The following VEPH1 variants were observed in gnomAD, a reference collection of about 807,000 sequenced individuals.
The protein encoded by VEPH1 is ventricular zone expressed PH domain containing 1.
Under a neutral mutation model 85.2 loss-of-function variants are expected in VEPH1, and 80 were observed. The ratio of observed to expected loss-of-function variants is 0.94; its 90% CI spans 0.78 to 1.13. The LOEUF (loss-of-function observed/expected upper bound fraction) is 1.13, where lower values mean the gene tolerates loss of function less well. Among genes scored for constraint, VEPH1 ranks in the 50% most tolerant of loss-of-function variants. VEPH1 has a pLI of 0.00. For missense variants in VEPH1, 955 were observed against 980.5 expected (o/e 0.97, Z 0.35); for synonymous variants, 297 against 348.0 (o/e 0.85, Z 1.63).
At chr3:157,476,431 C>T (rs1737479305) in intron 2 of VEPH1, among the ~76,000 whole-genome samples, 2 of 152,200 alleles carry the variant, frequency 1.3e-5, no homozygotes, top group Admixed American at 1.3e-4. Context: ...CATAACACTG[C>T]ATCAAACCAA....
In VEPH1 at chr3:157,378,357, T is replaced by G. The variant is rs546767377; in HGVS notation, c.1127+2799A>C. On this transcript the variant is annotated intron_variant, in intron 7 of 13. Transcript: ENST00000362010. ...ATATATATATATATATATATATATA[T>G]AGTAGTGATTCTCAAGTGGGGGAGG... Among the ~76,000 whole-genome samples the G allele has an allele frequency of 4.9e-3, 514 of 104,268 alleles. 7 individuals are homozygous for G. Among genetic ancestry groups the G allele is most frequent in the African/African-American group, 0.018 (482 of 27,192 alleles). The allele number at this position is 104,268 out of a possible 152,430, so 68.4% of individuals were successfully genotyped here.
At chr3:157,493,265 T>G in intron 2 of VEPH1, 2 of 456,356 alleles carry the variant, frequency 4.4e-6, no homozygotes, top group Non-Finnish European at 8.8e-6. Flanking sequence ...GAAGGGGCAA[T>G]TTAGACGATC....
chr3:157,478,931 T>C (rs1484807922), intron 2 of VEPH1, among the ~76,000 whole-genome samples: 2 of 152,072 alleles, frequency 1.3e-5, no homozygotes, highest in Non-Finnish European at 2.9e-5. Flanking sequence ...ATTCTGTACA[T>C]GGCATGAAGA....
chr3:157,383,776 A>G (rs1396435956), intron 6 of VEPH1, among the ~76,000 whole-genome samples: 3 of 152,348 alleles, frequency 2.0e-5, no homozygotes, highest in African/African-American at 7.2e-5. Context: ...TGTTAGATGA[A>G]TGAAAATAAA....
At chr3:157,411,962 G>A (rs2109025475) in intron 6 of VEPH1, among the ~76,000 whole-genome samples, 1 of 152,274 alleles carries the variant, frequency 6.6e-6, no homozygotes, top group African/African-American at 2.4e-5. Flanking sequence ...CTGGTGGGAG[G>A]TGACTCGATC....
chr3:157,304,223 T>C (rs771057291), intron 11 of VEPH1, among the ~76,000 whole-genome samples: 15 of 151,992 alleles, frequency 9.9e-5, no homozygotes, highest in African/African-American at 2.9e-4. Flanking sequence ...GCCTTGACAC[T>C]CCTGTCAGTT....
At chr3:157,273,644 G>T (rs975926794) in intron 12 of VEPH1, among the ~76,000 whole-genome samples, 1 of 152,198 alleles carries the variant, frequency 6.6e-6, no homozygotes, top group African/African-American at 2.4e-5. Flanking sequence ...GGGTGGGAGA[G>T]AAGAGGCAAG....
intron 2 of VEPH1, among the ~76,000 whole-genome samples, chr3:157,488,219 T>A (rs1265302736): frequency 1.3e-5 from 2 of 152,164 alleles, no homozygotes; most frequent in Non-Finnish European, 2.9e-5. Flanking sequence ...TTCTCTGATC[T>A]TTATGGGAAA....
At chr3:157,418,148 C>G (rs1047767255) in intron 5 of VEPH1, among the ~76,000 whole-genome samples, 4 of 152,114 alleles carry the variant, frequency 2.6e-5, no homozygotes, top group Admixed American at 2.6e-4. Flanking sequence ...ATCTCAGTTA[C>G]CTGAACTGAG....
chr3:157,271,501 A>G (rs1449616427), intron 12 of VEPH1, among the ~76,000 whole-genome samples: 2 of 152,208 alleles, frequency 1.3e-5, no homozygotes, highest in African/African-American at 4.8e-5. Flanking sequence ...CTGAAGAGGA[A>G]AGGGCAGAGA....
At chr3:157,497,802 C>T (rs1026876548) in intron 1 of VEPH1, among the ~76,000 whole-genome samples, 14 of 152,170 alleles carry the variant, frequency 9.2e-5, no homozygotes, top group Admixed American at 7.9e-4. Context: ...CTCTTGAGGG[C>T]CCATCACATG....
chr3:157,331,200 CAT>C (rs1559965333), intron 9 of VEPH1, among the ~76,000 whole-genome samples: 4 of 152,192 alleles, frequency 2.6e-5, no homozygotes, highest in African/African-American at 7.2e-5. Context: ...CTTTCCACCA[CAT>C]GAGTCCAGGA....
chr3:157,451,617 A>G (rs1444522098), intron 4 of VEPH1, among the ~76,000 whole-genome samples: 1 of 152,244 alleles, frequency 6.6e-6, no homozygotes, highest in Non-Finnish European at 1.5e-5. Flanking sequence ...TAAGCATAAA[A>G]GAGCATTTGG....
intron 3 of VEPH1, 81 bp from the exon 4 acceptor site, chr3:157,460,436 T>G: frequency 6.7e-7 from 1 of 1,484,818 alleles, no homozygotes; most frequent in South Asian, 1.3e-5. Flanking sequence ...AAAAAATATT[T>G]ATTGGATTAA....
At chr3:157,333,029 GA>G (rs540539336) in intron 9 of VEPH1, among the ~76,000 whole-genome samples, 33 of 152,206 alleles carry the variant, frequency 2.2e-4, no homozygotes, top group African/African-American at 7.7e-4. Context: ...TACAATTACA[GA>G]AAAGTGTTAT....
At chr3:157,490,903 T>C (rs1315597524) in intron 2 of VEPH1, among the ~76,000 whole-genome samples, 2 of 152,176 alleles carry the variant, frequency 1.3e-5, no homozygotes, top group African/African-American at 4.8e-5. Flanking sequence ...ATGGATACAT[T>C]GTAGCACATT....
intron 11 of VEPH1, among the ~76,000 whole-genome samples, chr3:157,287,087 T>C (rs1716875643): frequency 6.6e-6 from 1 of 152,106 alleles, no homozygotes; most frequent in Non-Finnish European, 1.5e-5. Context: ...CAAAAAATAT[T>C]ATTGGCCGGG....
chr3:157,472,375 C>T (rs1487031864), intron 2 of VEPH1, among the ~76,000 whole-genome samples: 2 of 152,186 alleles, frequency 1.3e-5, no homozygotes, highest in Non-Finnish European at 2.9e-5. Context: ...AATCTTCCTA[C>T]TACCATTTAG....
chr3:157,479,640 T>C (rs1737829343), intron 2 of VEPH1, among the ~76,000 whole-genome samples: 1 of 152,200 alleles, frequency 6.6e-6, no homozygotes, highest in Admixed American at 6.5e-5. Context: ...TCCCTTCCTT[T>C]AGAGGCTGCA....
Sources: gnomAD v4.1 joint callset for allele counts (sites outside exome capture counted in the v4.1 genomes callset) on GRCh38, gnomAD v4.1.1 for gene constraint, MANE v1.5 for transcripts, NCBI Gene and HGNC (gene_info 2026-07-23, HGNC 2026-07-21) for gene names.